The following ATF6 variants were observed in gnomAD, a reference collection of about 807,000 sequenced individuals.
ATF6 encodes the protein cyclic AMP-dependent transcription factor ATF-6 alpha.
ATF6 carries 53 observed loss-of-function variants against 83.6 expected under a neutral mutation model. The ratio of observed to expected loss-of-function variants is 0.63; its 90% confidence interval spans 0.51 to 0.80. ATF6 has a LOEUF of 0.80. Among genes scored for constraint, ATF6 ranks in the 30% least tolerant of loss-of-function variants. The pLI, the probability that ATF6 is intolerant of heterozygous loss-of-function variation, is 0.00. For missense variants in ATF6, 744 were observed against 797.9 expected (o/e 0.93, Z 0.81); for synonymous variants, 288 against 285.8 (o/e 1.01, Z -0.08).
intron 15 of ATF6, among the ~76,000 whole-genome samples, chr1:161,950,662 T>G (rs1688844242): frequency 1.3e-5 from 2 of 152,194 alleles, no homozygotes; most frequent in African/African-American, 2.4e-5. Context: ...TTTAGGACAG[T>G]GAATCAGGTT....
intron 14 of ATF6, among the ~76,000 whole-genome samples, chr1:161,888,998 GTACCACCCATA>G (rs985225254): frequency 1.3e-5 from 2 of 151,946 alleles, no homozygotes; most frequent in African/African-American, 4.8e-5. Flanking sequence ...CCTCCCTCAT[GTACCACCCATA>G]TATAATTCTC....
chr1:161,893,857 C>T (rs1003847643), intron 14 of ATF6, among the ~76,000 whole-genome samples: 9 of 152,120 alleles, frequency 5.9e-5, no homozygotes, highest in Non-Finnish European at 1.2e-4. Flanking sequence ...TTGCTTGTTT[C>T]TTTTACTCAA....
At chr1:161,820,456 A>G (rs1364312696) in intron 8 of ATF6, among the ~76,000 whole-genome samples, 1 of 152,232 alleles carries the variant, frequency 6.6e-6, no homozygotes. Context: ...AAAAATATAA[A>G]AAATGTTGAA....
chr1:161,869,801 A>G (rs12401450), intron 14 of ATF6, among the ~76,000 whole-genome samples: 21,521 of 151,724 alleles, frequency 0.14, 2,087 homozygotes, highest in East Asian at 0.31. Context: ...TCACTTTATT[A>G]TATACAAATA....
rs909339229 is a variant in ATF6, at chr1:161,959,531, G to C, written c.*877G>C. On this transcript the variant is annotated 3_prime_UTR_variant, in exon 16 of 16. Coordinates refer to ENST00000367942, the MANE Select transcript of ATF6 (RefSeq NM_007348.4). ...TAAAAATACAAAAAATTAGCCGGGC[G>C]TAGTGACGGGCGCCTGTAGTCCCAG... is the stretch of plus-strand genomic sequence containing the variant. The C allele has an allele frequency of 1.3e-5, 2 of 151,972 alleles. No individual in the cohort carries two copies. Among genetic ancestry groups the C allele is most frequent in the South Asian group, 2.1e-4 (1 of 4,808 alleles). 9.4% of individuals were successfully genotyped at this position (151,972 alleles called of 1,614,324 possible).
chr1:161,912,482 A>G, intron 15 of ATF6, 102 bp downstream of exon 15: 3 of 578,198 alleles, frequency 5.2e-6, no homozygotes, highest in Non-Finnish European at 5.7e-6. Context: ...TTAAATGAGT[A>G]TATATCCGTA....
At chr1:161,917,058 C>T (rs928835398) in intron 15 of ATF6, among the ~76,000 whole-genome samples, 3 of 152,118 alleles carry the variant, frequency 2.0e-5, no homozygotes, top group African/African-American at 4.8e-5. Context: ...TTGTTATGTT[C>T]GCCACTTACC....
chr1:161,949,113 T>C (rs1688815713), intron 15 of ATF6, among the ~76,000 whole-genome samples: 1 of 152,218 alleles, frequency 6.6e-6, no homozygotes. Flanking sequence ...AGCTGACTTA[T>C]GCTAATTCTT....
At chr1:161,819,609 C>G in intron 7 of ATF6, 24 bp from the exon 8 acceptor site, 1 of 1,523,596 alleles carries the variant, frequency 6.6e-7, no homozygotes, top group Admixed American at 2.2e-5. Context: ...CCAGGGTATT[C>G]TGATTCATTA....
At chr1:161,857,273 T>TG (rs1686786205) in intron 12 of ATF6, among the ~76,000 whole-genome samples, 1 of 152,214 alleles carries the variant, frequency 6.6e-6, no homozygotes. Context: ...TTTAGTGAAC[T>TG]GACATTTCTT....
At chr1:161,914,650 T>C (rs1688056345) in intron 15 of ATF6, among the ~76,000 whole-genome samples, 1 of 152,202 alleles carries the variant, frequency 6.6e-6, no homozygotes, top group Non-Finnish European at 1.5e-5. Context: ...ACTTACTCTC[T>C]TACTTTAAAA....
rs192049511 is a variant in ATF6 at position 161,947,568 on chromosome 1, A to G, written c.1805-10878A>G. 2.0e-3 allele frequency among the ~76,000 whole-genome samples: 309 copies of G among 152,310 alleles called. 1 individual carries two copies. Among genetic ancestry groups the G allele is most frequent in the Non-Finnish European group, 4.1e-3 (281 of 68,034 alleles). ...GAATTCGTTTTTATGGCTCAGAATA[A>G]TAGTGTAATCATAGCAAGAGATGAC... On this transcript the variant is annotated intron_variant, in intron 15 of 15. Coordinates refer to ENST00000367942, the MANE Select transcript of ATF6 (RefSeq NM_007348.4).
At chr1:161,846,398 A>G (rs372430156) in intron 9 of ATF6, 51 bp from the exon 10 acceptor site, 7 of 1,560,594 alleles carry the variant, frequency 4.5e-6, no homozygotes, top group South Asian at 3.5e-5. Flanking sequence ...TAGCAGGCAT[A>G]TGTGTGACAT....
At chr1:161,929,277 A>G (rs1472906068) in intron 15 of ATF6, among the ~76,000 whole-genome samples, 1 of 152,180 alleles carries the variant, frequency 6.6e-6, no homozygotes, top group African/African-American at 2.4e-5. Flanking sequence ...ACGGTAAACA[A>G]AAACAAAGTC....
At chr1:161,932,884 C>T (rs1331791421) in intron 15 of ATF6, among the ~76,000 whole-genome samples, 2 of 152,168 alleles carry the variant, frequency 1.3e-5, no homozygotes, top group Admixed American at 6.5e-5. Flanking sequence ...CCTGCAATTC[C>T]TCACTGGCTG....
chr1:161,872,847 A>G (rs1350923492), intron 14 of ATF6, among the ~76,000 whole-genome samples: 1 of 151,476 alleles, frequency 6.6e-6, no homozygotes, highest in Non-Finnish European at 1.5e-5. Flanking sequence ...TAGCCTAGAT[A>G]TAGATAAGGA....
intron 1 of ATF6, among the ~76,000 whole-genome samples, chr1:161,773,138 G>GTTTTTTTTTTTTT (rs1170525204): frequency 1.6e-4 from 20 of 125,118 alleles, no homozygotes; most frequent in Admixed American, 5.8e-4. Context: ...GCTACTTTTT[G>GTTTTTTTTTTTTT]TATTTTTTTT....
At chr1:161,897,114 G>A (rs116047115) in intron 14 of ATF6, among the ~76,000 whole-genome samples, 1,979 of 152,058 alleles carry the variant, frequency 0.013, 48 homozygotes, top group African/African-American at 0.044. Flanking sequence ...ACTCAGAATG[G>A]ACTATAATAT....
At chr1:161,798,454 A>C (rs1202964984) in intron 6 of ATF6, among the ~76,000 whole-genome samples, 1 of 152,170 alleles carries the variant, frequency 6.6e-6, no homozygotes, top group South Asian at 2.1e-4. Context: ...TCTACTAAAA[A>C]TACATAAATT....
Sources: allele counts gnomAD v4.1 joint callset (sites outside exome capture counted in the v4.1 genomes callset), GRCh38; gene constraint gnomAD v4.1.1; transcripts MANE v1.5; gene names NCBI Gene and HGNC (gene_info 2026-07-23, HGNC 2026-07-21).